The following CCDC7 variants were observed in gnomAD, a reference collection of about 807,000 sequenced individuals.
CCDC7 encodes coiled-coil domain containing 7.
In CCDC7, 183 loss-of-function variants were observed where a neutral mutation model predicts 196.9. The ratio of observed to expected loss-of-function variants is 0.93; its 90% CI spans 0.82 to 1.05. The LOEUF (loss-of-function observed/expected upper bound fraction) is 1.05, where lower values mean the gene tolerates loss of function less well. CCDC7 is among the 50% of genes least tolerant of loss of function. The probability of loss-of-function intolerance (pLI) is 0.00; values close to 1 mark genes in which losing one functional copy is unlikely to be tolerated. For missense variants in CCDC7, 1,540 were observed against 1,482.2 expected (o/e 1.04, Z -0.64); for synonymous variants, 525 against 484.6 (o/e 1.08, Z -1.10).
At chr10:32,860,148 G>A (rs1324289455) in intron 41 of CCDC7, among the ~76,000 whole-genome samples, 1 of 152,050 alleles carries the variant, frequency 6.6e-6, no homozygotes, top group Non-Finnish European at 1.5e-5. Context: ...GATGAACATC[G>A]ATGTAAAAAT....
At chr10:32,609,400 T>A (rs11008994) in intron 18 of CCDC7, among the ~76,000 whole-genome samples, 13,477 of 152,250 alleles carry the variant, frequency 0.089, 869 homozygotes, top group East Asian at 0.33. Flanking sequence ...CTTAGAGTCT[T>A]TTTTATCTGA....
Position 32,824,637 on chromosome 10 carries a change from G to T in CCDC7, c.3268+33G>T, listed in dbSNP as rs764654765. The T allele has an allele frequency of 5.0e-6, 7 of 1,413,776 alleles. No homozygotes were observed. In the Admixed American group the frequency reaches 8.7e-5, roughly 18 times the overall value. The allele number at this position is 1,413,776 out of a possible 1,614,324, so 87.6% of individuals were successfully genotyped here. A position where few individuals can be genotyped will look rare whatever the true frequency, so the allele number is the denominator to read the frequency against. Reference sequence around the variant, plus strand: ...TAAGAATTTTTAAAATCTACTTATGGTTTCCTATCTTCTCTGGAGTTTAAG... The same window carrying T: ...TAAGAATTTTTAAAATCTACTTATGTTTTCCTATCTTCTCTGGAGTTTAAG... On this transcript the variant is annotated intron_variant, in intron 32 of 41. Coordinates refer to ENST00000639629, the Ensembl canonical transcript of CCDC7.
chr10:32,467,369 C>T (rs2037047054), intron 5 of CCDC7, among the ~76,000 whole-genome samples: 1 of 152,036 alleles, frequency 6.6e-6, no homozygotes. Context: ...GCCTCAGCCT[C>T]CCAAAGTGCT....
chr10:32,452,011 A>T (rs111785817), intron 1 of CCDC7, 90 bp downstream of exon 2: 1 of 1,444,282 alleles, frequency 6.9e-7, no homozygotes, highest in African/African-American at 1.4e-5. Flanking sequence ...GACTCCACAT[A>T]TAGTCATACC....
intron 41 of CCDC7, among the ~76,000 whole-genome samples, chr10:32,868,183 C>A (rs1481011666): frequency 6.6e-6 from 1 of 151,916 alleles, no homozygotes; most frequent in Non-Finnish European, 1.5e-5. Flanking sequence ...GACACTTGGG[C>A]TTCCTCTACC....
chr10:32,621,464 C>T (rs1211971687), intron 18 of CCDC7, among the ~76,000 whole-genome samples: 1 of 152,182 alleles, frequency 6.6e-6, no homozygotes, highest in Non-Finnish European at 1.5e-5. Context: ...ATCTGTCTGT[C>T]TGTCTGTCTA....
In CCDC7 at chr10:32,500,828, C is replaced by T. The variant is rs373780196; in HGVS notation, c.872+8831C>T. Among the ~76,000 whole-genome samples the T allele has an allele frequency of 4.4e-4, 67 of 152,328 alleles. No individual in the cohort carries two copies. In the South Asian group the frequency reaches 0.013, roughly 29 times the overall value. ...GGGAGGCCGAGGCAGGCAGATCACTCGCGGTCAGGAGCTGGAGACCAGCCC... is the reference window on the plus strand; with the variant it reads ...GGGAGGCCGAGGCAGGCAGATCACTTGCGGTCAGGAGCTGGAGACCAGCCC... On this transcript the variant is annotated intron_variant, in intron 9 of 41. Transcript: ENST00000639629.
rs538656574 is a variant in CCDC7, at chr10:32,595,806, T to C, written c.1801+11502T>C. 1.6e-4 allele frequency among the ~76,000 whole-genome samples: 24 copies of C among 152,356 alleles called. No homozygotes were observed. The South Asian group carries it at 5.0e-3, about 32-fold the overall frequency. Reference sequence around the variant, plus strand: ...TGCCTTCATTTTGTTATGTACCTAGTAGTCATTCAGAAGCAGGTTGTTCAG... The same window carrying C: ...TGCCTTCATTTTGTTATGTACCTAGCAGTCATTCAGAAGCAGGTTGTTCAG... On this transcript the variant is annotated intron_variant, in intron 18 of 41. Coordinates refer to ENST00000639629, the Ensembl canonical transcript of CCDC7.
chr10:32,797,757 C>T (rs1342782167), intron 29 of CCDC7, among the ~76,000 whole-genome samples: 2 of 133,852 alleles, frequency 1.5e-5, no homozygotes, highest in Admixed American at 7.4e-5. Flanking sequence ...CCACTTCCAC[C>T]CCTTGATTAC....
chr10:32,594,626 C>T (rs2060128309), intron 18 of CCDC7, among the ~76,000 whole-genome samples: 1 of 151,960 alleles, frequency 6.6e-6, no homozygotes. Flanking sequence ...CTGTTTTTTG[C>T]CAGTTTTCAA....
chr10:32,875,459 T>C (rs915581578), intron 41 of CCDC7, among the ~76,000 whole-genome samples: 1 of 152,032 alleles, frequency 6.6e-6, no homozygotes, highest in African/African-American at 2.4e-5. Flanking sequence ...TGCAGCCTTA[T>C]TTCTGGGCCC....
At chr10:32,747,599 T>C (rs1207682137) in intron 28 of CCDC7, among the ~76,000 whole-genome samples, 1 of 152,008 alleles carries the variant, frequency 6.6e-6, no homozygotes, top group Non-Finnish European at 1.5e-5. Flanking sequence ...CCAACAAGCA[T>C]ATGAAAAAAA....
At position 32,732,424 on chromosome 10, in the gene CCDC7, C is replaced by T. The variant is rs566790272; in HGVS notation, c.2905+2967C>T. 6.6e-5 allele frequency among the ~76,000 whole-genome samples: 10 copies of T among 152,166 alleles called. 1 individual carries two copies. The highest frequency in any genetic ancestry group is 2.4e-4 in the African/African-American group (10 of 41,566). Reference sequence around the variant, plus strand: ...GTATGTGCGTATATTCATGTATATTCTCCATTGTCGTTGATTAATCATATT... The same window carrying T: ...GTATGTGCGTATATTCATGTATATTTTCCATTGTCGTTGATTAATCATATT... On this transcript the variant is annotated intron_variant, in intron 28 of 41. Transcript: ENST00000639629.
chr10:32,605,858 A>AAAAGG (rs148880585), intron 18 of CCDC7, among the ~76,000 whole-genome samples: 1 of 152,142 alleles, frequency 6.6e-6, no homozygotes, highest in Admixed American at 6.6e-5. Flanking sequence ...AAAAGAAAAG[A>AAAAGG]AAAGCCTGTT....
chr10:32,495,776 G>A (rs1381102633), intron 9 of CCDC7, among the ~76,000 whole-genome samples: 1 of 152,196 alleles, frequency 6.6e-6, no homozygotes, highest in Non-Finnish European at 1.5e-5. Flanking sequence ...CCAGTACCAT[G>A]CTGTTTTGGT....
At chr10:32,789,170 A>G (rs1026503649) in intron 29 of CCDC7, among the ~76,000 whole-genome samples, 5 of 150,794 alleles carry the variant, frequency 3.3e-5, no homozygotes, top group African/African-American at 1.2e-4. Context: ...ATGTGAAAAT[A>G]CCAATGCATG....
intron 21 of CCDC7, among the ~76,000 whole-genome samples, chr10:32,666,798 C>A (rs1159972251): frequency 3.3e-5 from 5 of 151,964 alleles, no homozygotes; most frequent in Admixed American, 3.3e-4. Context: ...GGGTTGGTTC[C>A]AAGTCTTTGC....
intron 9 of CCDC7, among the ~76,000 whole-genome samples, chr10:32,506,103 A>G (rs141916365): frequency 0.027 from 3,772 of 138,796 alleles, 178 homozygotes; most frequent in African/African-American, 0.098. Context: ...CACTTCCCAG[A>G]CAGGGCGGCC....
chr10:32,660,716 C>A (rs188673420), intron 20 of CCDC7, among the ~76,000 whole-genome samples: 6,894 of 151,952 alleles, frequency 0.045, 515 homozygotes, highest in African/African-American at 0.16. Flanking sequence ...GAAAAACAAG[C>A]AATGGGGAAA....
Sources: gnomAD v4.1 joint callset for allele counts (sites outside exome capture counted in the v4.1 genomes callset) on GRCh38, gnomAD v4.1.1 for gene constraint, MANE v1.5 for transcripts, NCBI Gene and HGNC (gene_info 2026-07-23, HGNC 2026-07-21) for gene names.